The following TRIM66 variants were observed in gnomAD, a reference collection of about 807,000 sequenced individuals.
The protein encoded by TRIM66 is tripartite motif-containing protein 66.
A neutral mutation model predicts 148.2 loss-of-function variants in TRIM66; 99 were observed. That is an observed-to-expected ratio of 0.67 (90% confidence interval 0.57 to 0.79). The LOEUF is 0.79. Among genes scored for constraint, TRIM66 ranks in the 30% least tolerant of loss-of-function variants. The pLI is 0.00. For synonymous variants in TRIM66, 616 were observed against 635.9 expected (o/e 0.97, Z 0.47); for missense variants, 1,666 against 1,697.9 (o/e 0.98, Z 0.33).
Position 8,645,786 on chromosome 11 carries a change from A to C in TRIM66, c.1059T>G (p.Ala353=). 1 of 1,551,784 alleles carries C rather than the reference A, an allele frequency of 6.4e-7. No individual in the cohort carries two copies. The highest frequency in any genetic ancestry group is 8.7e-7 in the Non-Finnish European group (1 of 1,147,000). The change falls in exon 12 of 25, where the codon GCT becomes GCG. Residue 353 remains alanine, a synonymous_variant. Coordinates refer to ENST00000646038, the MANE Select transcript of TRIM66 (RefSeq NM_001388022.1). ...AAGGGACACTGGTTTTGCTGCAGAC[A>C]GCCCAGTTGATGAAATTCTGCACAT... The part of the protein sequence containing the change: ...FEHVQNFINW[A]VCSKTSVPFL...
intron 1 of TRIM66, among the ~76,000 whole-genome samples, chr11:8,681,660 C>G (rs1458941248): frequency 6.6e-6 from 1 of 151,712 alleles, no homozygotes; most frequent in Non-Finnish European, 1.5e-5. Context: ...CTGCTATTAG[C>G]GAAGACAGGG....
rs1260020258 is a variant in TRIM66, at chr11:8,616,216, C to T, written c.*1728G>A. 1 of 152,164 alleles carries T rather than the reference C, an allele frequency of 6.6e-6. No homozygotes were observed. Among genetic ancestry groups the T allele is most frequent in the East Asian group, 1.9e-4 (1 of 5,196 alleles). The allele number at this position is 152,164 out of a possible 1,614,324, so 9.4% of individuals were successfully genotyped here. On this transcript the variant is annotated 3_prime_UTR_variant, in exon 25 of 25. Transcript: ENST00000646038. The stretch of plus-strand genomic sequence containing the variant: ...CATGTGCTGCTGAAAGAATGGCAAG[C>T]CAAGGGGCATGGTTTGCTTTAAAGT...
In TRIM66 at chr11:8,640,754, C is replaced by T. The variant is rs560277103; in HGVS notation, c.1621G>A (p.Glu541Lys). Reference sequence around the variant, plus strand: ...TGCCCCAGCCGCTGGGATGTGCTCTCCTGCTCCACGGGGGGCTGGGTTTCC... The same window carrying T: ...TGCCCCAGCCGCTGGGATGTGCTCTTCTGCTCCACGGGGGGCTGGGTTTCC... The part of the protein sequence containing the change: ...WLETQPPVEQ[E>K]STSQRLGQQL... Residue 541 changes from glutamate to lysine, a missense_variant, in exon 14 of 25, where the codon GAG becomes AAG. Glu to Lys is a moderately conservative substitution (Grantham distance 56). Coordinates refer to ENST00000646038, the MANE Select transcript of TRIM66 (RefSeq NM_001388022.1). 8.9e-5 allele frequency: 138 copies of T among 1,551,472 alleles called. No individual in the cohort carries two copies. The African/African-American group carries it at 1.3e-3, about 14-fold the overall frequency.
intron 12 of TRIM66, among the ~76,000 whole-genome samples, chr11:8,645,481 A>C (rs184790741): frequency 5.6e-4 from 86 of 152,352 alleles, no homozygotes; most frequent in African/African-American, 2.0e-3. Flanking sequence ...AGACTTTCCC[A>C]ACTGAGCTAC....
chr11:8,644,741 T>C (rs2036702127), intron 12 of TRIM66, among the ~76,000 whole-genome samples: 1 of 152,304 alleles, frequency 6.6e-6, no homozygotes, highest in South Asian at 2.1e-4. Flanking sequence ...TGTTTTTATT[T>C]TTCTTCTTTT....
chr11:8,621,457 T>C (rs2034205947), intron 19 of TRIM66, 136 bp from the exon 20 acceptor site: 25 of 1,335,536 alleles, frequency 1.9e-5, no homozygotes, highest in Non-Finnish European at 2.5e-5. Flanking sequence ...GCAAGCCCCA[T>C]GAATGCTGGG....
intron 15 of TRIM66, among the ~76,000 whole-genome samples, chr11:8,633,322 C>CAA (rs34011608): frequency 4.8e-4 from 71 of 147,088 alleles, no homozygotes; most frequent in Non-Finnish European, 8.2e-4. Flanking sequence ...AACTCCATCT[C>CAA]AAAAAAAAAA....
At chr11:8,670,007 G>GTTTTTTTTTTTTTTTTTTTTT (rs752586311) in intron 6 of TRIM66, among the ~76,000 whole-genome samples, 1 of 138,472 alleles carries the variant, frequency 7.2e-6, no homozygotes. Context: ...GTCTTGTTTT[G>GTTTTTTTTTTTTTTTTTTTTT]TTTTTATTTA....
At position 8,617,467 on chromosome 11, in the gene TRIM66, C is replaced by T. The variant is rs1472498320; in HGVS notation, c.*477G>A. On this transcript the variant is annotated 3_prime_UTR_variant, in exon 25 of 25. Transcript: ENST00000646038. ...CAGGACAAGCAAAGGCAAACAGTGA[C>T]AGTCTTTGGCTGTGCTGGGCCAGGG... is the stretch of plus-strand genomic sequence containing the variant. 1 of 157,366 alleles carries T rather than the reference C, an allele frequency of 6.4e-6. No individual in the cohort carries two copies. The highest frequency in any genetic ancestry group is 1.4e-5 in the Non-Finnish European group (1 of 71,362). 9.7% of individuals were successfully genotyped at this position (157,366 alleles called of 1,614,324 possible).
intron 3 of TRIM66, among the ~76,000 whole-genome samples, chr11:8,678,468 T>C: frequency 6.6e-6 from 1 of 152,194 alleles, no homozygotes; most frequent in Admixed American, 6.5e-5. Context: ...ATACAAGGGT[T>C]GAAAGGTAAT....
intron 6 of TRIM66, among the ~76,000 whole-genome samples, chr11:8,667,696 A>C (rs2038687134): frequency 6.6e-6 from 1 of 152,246 alleles, no homozygotes; most frequent in Non-Finnish European, 1.5e-5. Context: ...TACCTCATTT[A>C]GCATAATGTC....
chr11:8,681,830 G>C (rs946166813), intron 1 of TRIM66, among the ~76,000 whole-genome samples: 3 of 152,146 alleles, frequency 2.0e-5, no homozygotes, highest in African/African-American at 2.4e-5. Flanking sequence ...TGGTACAGGT[G>C]GGGAAGCGAG....
chr11:8,667,734 T>C (rs1262295233), intron 6 of TRIM66, among the ~76,000 whole-genome samples: 3 of 152,248 alleles, frequency 2.0e-5, no homozygotes, highest in African/African-American at 4.8e-5. Context: ...TTGTAGCATG[T>C]GTCAGAACTT....
At chr11:8,643,418 C>A (rs1565523834) in intron 12 of TRIM66, among the ~76,000 whole-genome samples, 1 of 151,576 alleles carries the variant, frequency 6.6e-6, no homozygotes, top group Non-Finnish European at 1.5e-5. Context: ...TAGCTCACTG[C>A]AAGCTTTGCC....
At position 8,633,844 on chromosome 11, in the gene TRIM66, T is replaced by C. The variant is rs1458840724; in HGVS notation, c.2310+4810A>G. 2.6e-5 allele frequency among the ~76,000 whole-genome samples: 4 copies of C among 152,174 alleles called. No homozygotes were observed. The East Asian group carries it at 7.7e-4, about 29-fold the overall frequency. On this transcript the variant is annotated intron_variant, in intron 15 of 24. Coordinates refer to ENST00000646038, the MANE Select transcript of TRIM66 (RefSeq NM_001388022.1). ...CCTCCTACACAGCTTAATGTAAATC[T>C]CACTGAGTTTTTATAAGACTCAAAT...
rs534074127 is a variant in TRIM66 at position 8,622,048 on chromosome 11, A to C, written c.3081-229T>G. Among the ~76,000 whole-genome samples the C allele has an allele frequency of 4.6e-5, 7 of 152,138 alleles. No homozygotes were observed. The South Asian group carries it at 1.5e-3, about 32-fold the overall frequency. On this transcript the variant is annotated intron_variant, in intron 18 of 24. Coordinates refer to ENST00000646038, the MANE Select transcript of TRIM66 (RefSeq NM_001388022.1). ...CAGGCCCACCCTTAATTGGGTGGGC[A>C]CCATCTAATCAGCTGCCAGCAAATA...
At chr11:8,626,781 C>A (rs866715868) in intron 15 of TRIM66, among the ~76,000 whole-genome samples, 2 of 152,150 alleles carry the variant, frequency 1.3e-5, no homozygotes, top group African/African-American at 4.8e-5. Context: ...CTCCCGAGGC[C>A]CTGATGACCT....
rs184306562 is a variant in TRIM66 at position 8,680,509 on chromosome 11, A to G, written c.-547-446T>C. On this transcript the variant is annotated intron_variant, in intron 1 of 24. Transcript: ENST00000646038. ...CACATTGGGGAGATACAGAAACAAA[A>G]GGATAGGGTGACAGTGTAGTAGAAG... is the stretch of plus-strand genomic sequence containing the variant. Among the ~76,000 whole-genome samples, 171 of 152,318 alleles carry G rather than the reference A, an allele frequency of 1.1e-3. 3 individuals carry two copies. The East Asian group carries it at 0.029, about 26-fold the overall frequency.
At chr11:8,660,500 A>T (rs1418888699) in intron 6 of TRIM66, among the ~76,000 whole-genome samples, 3 of 152,234 alleles carry the variant, frequency 2.0e-5, no homozygotes. Flanking sequence ...AATAAAGAAT[A>T]CAGTAATGCC....
Sources: allele counts gnomAD v4.1 joint callset (sites outside exome capture counted in the v4.1 genomes callset), GRCh38; gene constraint gnomAD v4.1.1; transcripts MANE v1.5; gene names NCBI Gene and HGNC (gene_info 2026-07-23, HGNC 2026-07-21).